The following KCNK12 variants were observed in gnomAD, a reference collection of about 807,000 sequenced individuals.
KCNK12 encodes the protein potassium two pore domain channel subfamily K member 12.
Under a neutral mutation model 25.3 loss-of-function variants are expected in KCNK12, and 6 were observed. The observed-to-expected ratio is 0.24, with a 90% CI of 0.13 to 0.47. The LOEUF (loss-of-function observed/expected upper bound fraction) is 0.47, where lower values mean the gene tolerates loss of function less well. Ranked by LOEUF, KCNK12 falls within the 20% of genes least tolerant of loss-of-function variation. The pLI is 0.99. For synonymous variants in KCNK12, 331 were observed against 311.1 expected (o/e 1.06, Z -0.67); for missense variants, 444 against 661.7 (o/e 0.67, Z 3.61).
Position 47,528,909 on chromosome 2 carries a change from C to T in KCNK12, c.392-7101G>A, listed in dbSNP as rs769342454. 1.3e-4 allele frequency among the ~76,000 whole-genome samples: 19 copies of T among 151,904 alleles called. No homozygotes were observed. The highest frequency in any genetic ancestry group is 2.1e-4 in the South Asian group (1 of 4,800). ...CCTCGGTTGGGCCCTTGACACACTC[C>T]TCCCATCCAGGCCCCCAGCCACCCT... On this transcript the variant is annotated intron_variant, in intron 1 of 1. Coordinates refer to ENST00000327876, the MANE Select transcript of KCNK12 (RefSeq NM_022055.2). The surrounding 1 kb of genome is among the most constrained non-coding windows in gnomAD (Gnocchi z 4.5).
Position 47,540,138 on chromosome 2 carries a change from G to T in KCNK12, c.392-18330C>A, listed in dbSNP as rs1250814217. ...AGGAAACACTAAATATGCTTCTTCA[G>T]CTCCTTATCAAGGTTAGGCCTCCAC... On this transcript the variant is annotated intron_variant, in intron 1 of 1. Coordinates refer to ENST00000327876, the MANE Select transcript of KCNK12 (RefSeq NM_022055.2). The surrounding 1 kb of genome is among the most constrained non-coding windows in gnomAD (Gnocchi z 5.4). 6.6e-6 allele frequency among the ~76,000 whole-genome samples: 1 copy of T among 152,194 alleles called. No individual in the cohort carries two copies. Among genetic ancestry groups the T allele is most frequent in the Non-Finnish European group, 1.5e-5 (1 of 68,044 alleles).
At position 47,547,593 on chromosome 2, in the gene KCNK12, T is replaced by C. The variant is rs1669340241; in HGVS notation, c.391+22348A>G. ...CCCCTAGCTGACATTGGCAGGGCTT[T>C]ATTTATTTATTTATTTACTTTTGAG... On this transcript the variant is annotated intron_variant, in intron 1 of 1. Transcript: ENST00000327876. The surrounding 1 kb of genome is among the most constrained non-coding windows in gnomAD (Gnocchi z 5.0). Among the ~76,000 whole-genome samples, 1 of 135,992 alleles carries C rather than the reference T, an allele frequency of 7.4e-6. No individual in the cohort carries two copies. The highest frequency in any genetic ancestry group is 2.5e-4 in the South Asian group (1 of 4,064). The allele number at this position is 135,992 out of a possible 152,430, so 89.2% of individuals were successfully genotyped here.
At position 47,512,661 on chromosome 2, in the gene KCNK12, C is replaced by T. The variant is rs1482775886; in HGVS notation, c.*8246G>A. The stretch of plus-strand genomic sequence containing the variant: ...TAATGGGATGATGTGCCCTTGTACA[C>T]CCACTGCCTCTGAACTCTGCTCTGC... On this transcript the variant is annotated 3_prime_UTR_variant, in exon 2 of 2. Transcript: ENST00000327876. The T allele has an allele frequency of 5.8e-6, 3 of 518,774 alleles. No homozygotes were observed. The highest frequency in any genetic ancestry group is 1.0e-5 in the Non-Finnish European group (3 of 293,356). The allele number at this position is 518,774 out of a possible 1,614,324, so 32.1% of individuals were successfully genotyped here.
At chr2:47,527,658 C>T (rs896385440) in intron 1 of KCNK12, 1 of 152,290 alleles carries the variant, frequency 6.6e-6, no homozygotes, top group Non-Finnish European at 1.5e-5. Flanking sequence ...CCAAGGCCAT[C>T]TATTGGAGTT....
chr2:47,535,254 C>T (rs1475703992), intron 1 of KCNK12: 2 of 233,058 alleles, frequency 8.6e-6, no homozygotes, highest in Admixed American at 5.6e-5. Context: ...TAGAGGCCCA[C>T]GGAGAGCTGT....
intron 1 of KCNK12, among the ~76,000 whole-genome samples, chr2:47,534,596 C>T (rs558234134): frequency 2.2e-5 from 3 of 138,312 alleles, no homozygotes; most frequent in African/African-American, 8.2e-5. Flanking sequence ...AAATCCAAGA[C>T]CAAGGGAGGC....
At chr2:47,535,954 G>A (rs1012786425) in intron 1 of KCNK12, among the ~76,000 whole-genome samples, 1 of 152,126 alleles carries the variant, frequency 6.6e-6, no homozygotes, top group African/African-American at 2.4e-5. Context: ...TGGCACAACC[G>A]GGATTGCAAC....
At chr2:47,541,910 C>G (rs1017595610) in intron 1 of KCNK12, among the ~76,000 whole-genome samples, 25 of 152,290 alleles carry the variant, frequency 1.6e-4, no homozygotes, top group African/African-American at 6.0e-4. Flanking sequence ...CGGAAGGAGA[C>G]TGGGGCCGCC....
In KCNK12 at chr2:47,557,145, T is replaced by TA. The variant is rs1669566455; in HGVS notation, c.391+12795dup. 2.0e-5 allele frequency among the ~76,000 whole-genome samples: 3 copies of TA among 152,302 alleles called. No individual in the cohort carries two copies. Among genetic ancestry groups the TA allele is most frequent in the African/African-American group, 7.2e-5 (3 of 41,558 alleles). ...TGGTTTGAATGTCTCCTCCAAAACT[T>TA]ACGTTGAAATCCAATGGCTATTGTA... On this transcript the variant is annotated intron_variant, in intron 1 of 1. Coordinates refer to ENST00000327876, the MANE Select transcript of KCNK12 (RefSeq NM_022055.2). The surrounding 1 kb of genome is among the most constrained non-coding windows in gnomAD (Gnocchi z 4.9).
In KCNK12 at chr2:47,534,524, C is replaced by A. The variant is rs557053083; in HGVS notation, c.392-12716G>T. On this transcript the variant is annotated intron_variant, in intron 1 of 1. Coordinates refer to ENST00000327876, the MANE Select transcript of KCNK12 (RefSeq NM_022055.2). ...ATCACTGCCCCTTCTAACCCCCCCC[C>A]CCGCCCCCACACACAGAAAGAGCAG... is the stretch of plus-strand genomic sequence containing the variant. Among the ~76,000 whole-genome samples, 10 of 127,844 alleles carry A rather than the reference C, an allele frequency of 7.8e-5. 1 individual carries two copies. Among genetic ancestry groups the A allele is most frequent in the Middle Eastern group, 7.5e-3 (2 of 266 alleles). 83.9% of individuals were successfully genotyped at this position (127,844 alleles called of 152,430 possible).
Position 47,556,429 on chromosome 2 carries a change from A to G in KCNK12, c.391+13512T>C, listed in dbSNP as rs912586996. Among the ~76,000 whole-genome samples, 2 of 152,140 alleles carry G rather than the reference A, an allele frequency of 1.3e-5. No individual in the cohort carries two copies. The highest frequency in any genetic ancestry group is 2.9e-5 in the Non-Finnish European group (2 of 68,008). On this transcript the variant is annotated intron_variant, in intron 1 of 1. Transcript: ENST00000327876. This position sits in a 1 kb window ranked among gnomAD's most constrained non-coding sequence, Gnocchi z 4.8. ...AGGTAGTTAGCAGAGAGTGAGGGGAATGGGAGGCTAAAGATGGAAGAGGGA... is the reference window on the plus strand; with the variant it reads ...AGGTAGTTAGCAGAGAGTGAGGGGAGTGGGAGGCTAAAGATGGAAGAGGGA...
In KCNK12 at chr2:47,557,120, T is replaced by A. The variant is rs1041614915; in HGVS notation, c.391+12821A>T. On this transcript the variant is annotated intron_variant, in intron 1 of 1. Transcript: ENST00000327876. The surrounding 1 kb of genome is among the most constrained non-coding windows in gnomAD (Gnocchi z 4.9). The stretch of plus-strand genomic sequence containing the variant: ...GCAACCCCAATGACAGAGCTTGCTA[T>A]GGTTTGAATGTCTCCTCCAAAACTT... Among the ~76,000 whole-genome samples the A allele has an allele frequency of 6.6e-6, 1 of 152,176 alleles. No homozygotes were observed. The highest frequency in any genetic ancestry group is 2.4e-5 in the African/African-American group (1 of 41,432).
rs1260415325 is a variant in KCNK12, at chr2:47,569,417, T to A, written c.391+524A>T. 6.6e-6 allele frequency among the ~76,000 whole-genome samples: 1 copy of A among 151,580 alleles called. No individual in the cohort carries two copies. Among genetic ancestry groups the A allele is most frequent in the Non-Finnish European group, 1.5e-5 (1 of 67,916 alleles). On this transcript the variant is annotated intron_variant, in intron 1 of 1. Coordinates refer to ENST00000327876, the MANE Select transcript of KCNK12 (RefSeq NM_022055.2). The surrounding 1 kb of genome is among the most constrained non-coding windows in gnomAD (Gnocchi z 4.1). ...GTAGGAGAAGCAAGTGGGAAGGAGA[T>A]GTAGGGAAAGTGATCCTGGGGCAAG...
Position 47,569,920 on chromosome 2 carries a change from C to A in KCNK12, c.391+21G>T. 7.5e-7 allele frequency: 1 copy of A among 1,336,334 alleles called. No homozygotes were observed. Among genetic ancestry groups the A allele is most frequent in the Non-Finnish European group, 9.6e-7 (1 of 1,036,650 alleles). The allele number at this position is 1,336,334 out of a possible 1,614,324, so 82.8% of individuals were successfully genotyped here. On this transcript the variant is annotated intron_variant, in intron 1 of 1. Coordinates refer to ENST00000327876, the MANE Select transcript of KCNK12 (RefSeq NM_022055.2). This position sits in a 1 kb window ranked among gnomAD's most constrained non-coding sequence, Gnocchi z 4.1. ...GTGAAAGGCACAGAGAGGAAAGATGCGCGGGGGACGCGCCGCTCACCTATG... is the reference window on the plus strand; with the variant it reads ...GTGAAAGGCACAGAGAGGAAAGATGAGCGGGGGACGCGCCGCTCACCTATG...
chr2:47,550,274 C>A (rs536875951), intron 1 of KCNK12, among the ~76,000 whole-genome samples: 1 of 151,620 alleles, frequency 6.6e-6, no homozygotes, highest in African/African-American at 2.4e-5. Context: ...TACACAAAGG[C>A]ACATCAAAAT....
chr2:47,525,747 G>C lies in KCNK12; in HGVS notation c.392-3939C>G, dbSNP rs1199548028. On this transcript the variant is annotated intron_variant, in intron 1 of 1. Transcript: ENST00000327876. This position sits in a 1 kb window ranked among gnomAD's most constrained non-coding sequence, Gnocchi z 4.1. Reference sequence around the variant, plus strand: ...AGAGGGCTGGGGACAGCATGAGAGGGAGTCACAGGAGGAGGGATGGAGAGG... The same window carrying C: ...AGAGGGCTGGGGACAGCATGAGAGGCAGTCACAGGAGGAGGGATGGAGAGG... Among the ~76,000 whole-genome samples the C allele has an allele frequency of 6.6e-6, 1 of 152,176 alleles. No individual in the cohort carries two copies.
rs1191303848 is a variant in KCNK12 at position 47,512,548 on chromosome 2, G to A, written c.*8359C>T. On this transcript the variant is annotated 3_prime_UTR_variant, in exon 2 of 2. Coordinates refer to ENST00000327876, the MANE Select transcript of KCNK12 (RefSeq NM_022055.2). The stretch of plus-strand genomic sequence containing the variant: ...AAGCTCTCAAAAATGGACCAGAAAG[G>A]GGTCAGGAATATAACTTTCTCTGCC... The A allele has an allele frequency of 8.3e-7, 1 of 1,201,352 alleles. No homozygotes were observed. Among genetic ancestry groups the A allele is most frequent in the South Asian group, 1.6e-5 (1 of 62,528 alleles). The allele number at this position is 1,201,352 out of a possible 1,614,324, so 74.4% of individuals were successfully genotyped here.
chr2:47,519,438 C>T lies in KCNK12; in HGVS notation c.*1469G>A, dbSNP rs887129011. On this transcript the variant is annotated 3_prime_UTR_variant, in exon 2 of 2. Transcript: ENST00000327876. ...AAGCTGTGCATACTGGTGGGTCACG[C>T]CGTGCCTGTATAAACTCTGGCACCT... is the stretch of plus-strand genomic sequence containing the variant. 2.0e-5 allele frequency: 3 copies of T among 152,178 alleles called. No homozygotes were observed. The highest frequency in any genetic ancestry group is 7.2e-5 in the African/African-American group (3 of 41,438). The allele number at this position is 152,178 out of a possible 1,614,324, so 9.4% of individuals were successfully genotyped here. A position where few individuals can be genotyped will look rare whatever the true frequency, so the allele number is the denominator to read the frequency against.
chr2:47,555,321 T>C lies in KCNK12; in HGVS notation c.391+14620A>G, dbSNP rs1669529691. On this transcript the variant is annotated intron_variant, in intron 1 of 1. Transcript: ENST00000327876. The surrounding 1 kb of genome is among the most constrained non-coding windows in gnomAD (Gnocchi z 4.5). ...AGCAGCAGATGCAAAGAAAGCTCCTTATCCTCCCCTATCTGCCTAAAGGCA... is the reference window on the plus strand; with the variant it reads ...AGCAGCAGATGCAAAGAAAGCTCCTCATCCTCCCCTATCTGCCTAAAGGCA... 6.6e-6 allele frequency among the ~76,000 whole-genome samples: 1 copy of C among 152,192 alleles called. No individual in the cohort carries two copies. Among genetic ancestry groups the C allele is most frequent in the Non-Finnish European group, 1.5e-5 (1 of 68,022 alleles).
Sources: gnomAD v4.1 joint callset for allele counts (sites outside exome capture counted in the v4.1 genomes callset) on GRCh38, gnomAD v4.1.1 for gene constraint, Gnocchi (gnomAD v3.1) non-coding constraint, MANE v1.5 for transcripts, NCBI Gene and HGNC (gene_info 2026-07-23, HGNC 2026-07-21) for gene names.